Variants in RYR1 observed in about 807,000 individuals in gnomAD.
RYR1 encodes the protein ryanodine receptor 1, also known as central core disease of muscle.
In RYR1, 342 loss-of-function variants were observed where a neutral mutation model predicts 583.5. That is an observed-to-expected ratio of 0.59 (90% CI 0.54 to 0.64). The LOEUF is 0.64. RYR1 is among the 30% of genes least tolerant of loss of function. The pLI, the probability that RYR1 is intolerant of heterozygous loss-of-function variation, is 0.00. For synonymous variants in RYR1, 2,791 were observed against 2,822.5 expected (o/e 0.99, Z 0.35); for missense variants, 6,032 against 6,917.2 (o/e 0.87, Z 4.54).
rs1010474986 is a variant in RYR1 at position 38,507,053 on chromosome 19, G to T, written c.8816+101G>T. ...AGAGGGGTGGAGCCGAGAGGAACGG[G>T]GCCTGAGGAGCAAAGATGGAACCAG... On this transcript the variant is annotated intron_variant, in intron 57 of 105. Transcript: ENST00000359596. The T allele has an allele frequency of 3.2e-6, 5 of 1,569,594 alleles. No homozygotes were observed. In the African/African-American group the frequency reaches 5.4e-5, roughly 17 times the overall value.
chr19:38,560,729 C>CAAA (rs765130460), intron 89 of RYR1, among the ~76,000 whole-genome samples: 90 of 37,804 alleles, frequency 2.4e-3, no homozygotes, highest in Non-Finnish European at 2.7e-3. Context: ...AACTCCGTCT[C>CAAA]AAAAAAAAAA....
rs150546099 is a variant in RYR1 at position 38,466,316 on chromosome 19, C to T, written c.3096C>T (p.Arg1032=). The stretch of plus-strand genomic sequence containing the variant: ...GCCTGCTGGATGAAGCCACCAAGCG[C>T]AGCAACCGGGACAGCCTCTGCCAGG... ...PYRLLDEATK[R]SNRDSLCQAV... is the part of the protein sequence containing the mutation. Residue 1032 remains arginine (R), a synonymous_variant, in exon 24 of 106, where the codon CGC becomes CGT. Transcript: ENST00000359596. The T allele has an allele frequency of 1.2e-6, 2 of 1,608,822 alleles. No homozygotes were observed. The highest frequency in any genetic ancestry group is 1.7e-6 in the Non-Finnish European group (2 of 1,178,428).
rs1187805750 is a variant in RYR1, at chr19:38,466,390, A to C, written c.3170A>C (p.Gln1057Pro). 6.5e-7 allele frequency: 1 copy of C among 1,547,400 alleles called. No homozygotes were observed. Among genetic ancestry groups the C allele is most frequent in the Non-Finnish European group, 8.7e-7 (1 of 1,148,450 alleles). ...GGCTACAACATCGAGCCTCCTGACC[A>C]GGAGCCCAGTGAGTGCTCACCCCTG... Reference protein sequence around the residue: ...GYGYNIEPPDQEPSQVENQSR... With the variant: ...GYGYNIEPPDPEPSQVENQSR... The change falls in exon 24 of 106, where the codon CAG becomes CCG. Residue 1057 changes from glutamine (Q) to proline (P), a missense_variant. Gln to Pro is a moderately conservative substitution (Grantham distance 76, BLOSUM62 -1). Coordinates refer to ENST00000359596, the MANE Select transcript of RYR1 (RefSeq NM_000540.3).
chr19:38,483,273 T>A lies in RYR1; in HGVS notation c.4708-17T>A. ...GGGGCTGGCCATCTTGACCCATGTGTGTCTCTCTGCCCTCAGAACATCATG... is the reference window on the plus strand; with the variant it reads ...GGGGCTGGCCATCTTGACCCATGTGAGTCTCTCTGCCCTCAGAACATCATG... On this transcript the variant is annotated splice_polypyrimidine_tract_variant and intron_variant, in intron 32 of 105. Coordinates refer to ENST00000359596, the MANE Select transcript of RYR1 (RefSeq NM_000540.3). The surrounding 1 kb of genome is among the most constrained non-coding windows in gnomAD (Gnocchi z 6.3). 1 of 1,562,786 alleles carries A rather than the reference T, an allele frequency of 6.4e-7. No individual in the cohort carries two copies. The highest frequency in any genetic ancestry group is 8.7e-7 in the Non-Finnish European group (1 of 1,153,706).
At position 38,505,885 on chromosome 19, in the gene RYR1, G is replaced by A; in HGVS notation, c.8480G>A (p.Arg2827Lys). ...TGGGAATGGACGATAGAGAAGGCCA[G>A]GGAGGGTGAGGAGGAGAAGACGGAA... ...IAWEWTIEKA[R>K]EGEEEKTEKK... Residue 2827 changes from arginine (R) to lysine (K), a missense_variant, in exon 54 of 106, where the codon AGG becomes AAG. Transcript: ENST00000359596. The A allele has an allele frequency of 1.2e-6, 2 of 1,614,142 alleles. No homozygotes were observed. Among genetic ancestry groups the A allele is most frequent in the Non-Finnish European group, 1.7e-6 (2 of 1,180,026 alleles).
Position 38,523,001 on chromosome 19 carries a change from C to A in RYR1, c.10260-27C>A. 1.9e-6 allele frequency: 3 copies of A among 1,550,876 alleles called. No individual in the cohort carries two copies. The East Asian group carries it at 7.2e-5, about 37-fold the overall frequency. ...CCCTTCCCTGGGATCCCCACCCCCTCCCTCACCTCCCCTCCGCTGACCCCA... is the reference window on the plus strand; with the variant it reads ...CCCTTCCCTGGGATCCCCACCCCCTACCTCACCTCCCCTCCGCTGACCCCA... On this transcript the variant is annotated intron_variant, in intron 67 of 105. Coordinates refer to ENST00000359596, the MANE Select transcript of RYR1 (RefSeq NM_000540.3).
Position 38,516,069 on chromosome 19 carries a change from C to T in RYR1, c.9555-18C>T. ...AAGAGGGGGACACGTGGCAGCTAAA[C>T]ACAGCCCCGTCTTCCAGGCTTCGGC... On this transcript the variant is annotated intron_variant, in intron 64 of 105. Coordinates refer to ENST00000359596, the MANE Select transcript of RYR1 (RefSeq NM_000540.3). 1 of 1,545,640 alleles carries T rather than the reference C, an allele frequency of 6.5e-7. No individual in the cohort carries two copies. The highest frequency in any genetic ancestry group is 2.3e-4 in the Middle Eastern group (1 of 4,414).
intron 90 of RYR1, among the ~76,000 whole-genome samples, chr19:38,562,635 C>T (rs1472894303): frequency 6.6e-6 from 1 of 152,140 alleles, no homozygotes; most frequent in Middle Eastern, 3.2e-3. Context: ...GGAGCCAGTA[C>T]ACAAACCCTT....
At chr19:38,541,261 A>G (rs945319619) in intron 84 of RYR1, among the ~76,000 whole-genome samples, 3 of 152,226 alleles carry the variant, frequency 2.0e-5, no homozygotes, top group Non-Finnish European at 2.9e-5. Context: ...CAAGGTTGAG[A>G]GGATGAGAAG....
At chr19:38,560,208 C>T (rs1599622819) in intron 89 of RYR1, among the ~76,000 whole-genome samples, 1 of 151,940 alleles carries the variant, frequency 6.6e-6, no homozygotes, top group East Asian at 1.9e-4. Flanking sequence ...CAAAAAAATA[C>T]AAAAATTCAC....
At position 38,463,744 on chromosome 19, in the gene RYR1, C is replaced by G; in HGVS notation, c.2683-3C>G. The G allele has an allele frequency of 6.2e-7, 1 of 1,613,862 alleles. No individual in the cohort carries two copies. Among genetic ancestry groups the G allele is most frequent in the Non-Finnish European group, 8.5e-7 (1 of 1,179,834 alleles). On this transcript the variant is annotated splice_region_variant and splice_polypyrimidine_tract_variant and intron_variant, in intron 21 of 105. Transcript: ENST00000359596. ...CATGGAGTTGACCCTGGGTTTTCTCCAGGTTCGGGATGACAACAAGAGGCT... is the reference window on the plus strand; with the variant it reads ...CATGGAGTTGACCCTGGGTTTTCTCGAGGTTCGGGATGACAACAAGAGGCT...
Position 38,492,626 on chromosome 19 carries a change from G to T in RYR1, c.6264G>T (p.Glu2088Asp). 1 of 1,592,432 alleles carries T rather than the reference G, an allele frequency of 6.3e-7. No homozygotes were observed. The highest frequency in any genetic ancestry group is 1.1e-5 in the South Asian group (1 of 90,658). The change falls in exon 38 of 106, where the codon GAG becomes GAT. Residue 2088 changes from glutamate to aspartate, a missense_variant. By Grantham distance (45) the Glu-to-Asp change is conservative. Around this residue, in one of 11 missense-constraint regions of RYR1, gnomAD observed 2,627 missense variants for 2,961.3 expected, o/e 0.89. Transcript: ENST00000359596. ...CTGAGGAGGAGCGGTCAGCAGAGGAGAGCAAACCCCGTGAGGACTGGGGTC... is the reference window on the plus strand; with the variant it reads ...CTGAGGAGGAGCGGTCAGCAGAGGATAGCAAACCCCGTGAGGACTGGGGTC... ...EKPEEERSAEESKPRSLQELV... is the reference protein window; with the variant it reads ...EKPEEERSAEDSKPRSLQELV...
Position 38,469,495 on chromosome 19 carries a change from T to G in RYR1, c.3747T>G (p.Leu1249=). Residue 1249 remains leucine (L), a synonymous_variant, in exon 27 of 106, where the codon CTT becomes CTG. Transcript: ENST00000359596. Reference sequence around the variant, plus strand: ...TGCCCCAGTTTGAGCCAGTGCCCCTTGAACACCCTCACTATGAGGTAAGGA... The same window carrying G: ...TGCCCCAGTTTGAGCCAGTGCCCCTGGAACACCCTCACTATGAGGTAAGGA... ...KGLPQFEPVP[L]EHPHYEVSRV... The G allele has an allele frequency of 6.2e-7, 1 of 1,614,158 alleles. No individual in the cohort carries two copies. The highest frequency in any genetic ancestry group is 8.5e-7 in the Non-Finnish European group (1 of 1,180,042).
At chr19:38,580,582 G>T in intron 101 of RYR1, 78 bp downstream of exon 101, 1 of 1,571,814 alleles carries the variant, frequency 6.4e-7, no homozygotes, top group South Asian at 1.1e-5. Flanking sequence ...CCTCCAGGCC[G>T]GGCGTGGTGC....
In RYR1 at chr19:38,561,316, C is replaced by T. The variant is rs1973126812; in HGVS notation, c.12486C>T (p.Phe4162=). ...CGCATGACCCTCGCCTGCACAACTT[C>T]CTGGAGCTGGCCGAGAGCATCCTTG... is the stretch of plus-strand genomic sequence containing the variant. The part of the protein sequence containing the change: ...HVPHDPRLHN[F]LELAESILEY... Residue 4162 remains phenylalanine (F), a synonymous_variant, in exon 90 of 106, where the codon TTC becomes TTT. Coordinates refer to ENST00000359596, the MANE Select transcript of RYR1 (RefSeq NM_000540.3). This position sits in a 1 kb window ranked among gnomAD's most constrained non-coding sequence, Gnocchi z 4.8. 2 of 1,614,072 alleles carry T rather than the reference C, an allele frequency of 1.2e-6. No homozygotes were observed. The highest frequency in any genetic ancestry group is 1.7e-6 in the Non-Finnish European group (2 of 1,180,040).
rs1223815860 is a variant in RYR1 at position 38,581,787 on chromosome 19, T to C, written c.14646+1283T>C. Reference sequence around the variant, plus strand: ...CTGATTTTTGTATTTTTAGTAGAGATGGAGGTGGGGGGGTCTCACAATGTT... The same window carrying C: ...CTGATTTTTGTATTTTTAGTAGAGACGGAGGTGGGGGGGTCTCACAATGTT... On this transcript the variant is annotated intron_variant, in intron 101 of 105. Coordinates refer to ENST00000359596, the MANE Select transcript of RYR1 (RefSeq NM_000540.3). Among the ~76,000 whole-genome samples the C allele has an allele frequency of 2.0e-5, 3 of 151,582 alleles. No homozygotes were observed. In the East Asian group the frequency reaches 5.9e-4, roughly 30 times the overall value.
chr19:38,463,902 G>A (rs1269235479), intron 22 of RYR1, 52 bp downstream of exon 22: 2 of 1,359,446 alleles, frequency 1.5e-6, no homozygotes, highest in Non-Finnish European at 2.1e-6. Flanking sequence ...TGCGGTGGGG[G>A]AGGGAGGCAT....
Position 38,485,722 on chromosome 19 carries a change from C to G in RYR1, c.5067C>G (p.Asp1689Glu), listed in dbSNP as rs777209922. The G allele has an allele frequency of 3.1e-6, 5 of 1,612,392 alleles. No homozygotes were observed. In the African/African-American group the frequency reaches 6.7e-5, roughly 22 times the overall value. ...CGCACGCTCTGTGCAGCCACGTAGA[C>G]CAAGCTCAGCTGCTGCACGCCCTGG... ...RVAHALCSHV[D>E]QAQLLHALED... is the part of the protein sequence containing the mutation. The change falls in exon 34 of 106, where the codon GAC becomes GAG. Residue 1689 changes from aspartate (D) to glutamate (E), a missense_variant. By Grantham distance (45) the Asp-to-Glu change is conservative. Around this residue, in one of 11 missense-constraint regions of RYR1, gnomAD observed 2,627 missense variants for 2,961.3 expected, o/e 0.89. Coordinates refer to ENST00000359596, the MANE Select transcript of RYR1 (RefSeq NM_000540.3).
Position 38,463,141 on chromosome 19 carries a change from G to GCCCCCCCCCCCCCCCCCCCCCCCCCC in RYR1, c.2578-268_2578-267insCCCCCCCCCCCCCCCCCCCCCCCCCC, listed in dbSNP as rs34883994. On this transcript the variant is annotated intron_variant, in intron 20 of 105. Coordinates refer to ENST00000359596, the MANE Select transcript of RYR1 (RefSeq NM_000540.3). ...TTGAACTCCTGACCTCAGGCGATCT[G>GCCCCCCCCCCCCCCCCCCCCCCCCCC]CCCCCCCCCCCCCCACTTAGCCTCC... is the stretch of plus-strand genomic sequence containing the variant. Among the ~76,000 whole-genome samples the GCCCCCCCCCCCCCCCCCCCCCCCCCC allele has an allele frequency of 6.1e-5, 2 of 32,960 alleles. 1 individual carries two copies. The highest frequency in any genetic ancestry group is 9.4e-5 in the Non-Finnish European group (2 of 21,376). 21.6% of individuals were successfully genotyped at this position (32,960 alleles called of 152,430 possible).
Sources: allele counts gnomAD v4.1 joint callset (sites outside exome capture counted in the v4.1 genomes callset), GRCh38; gene constraint gnomAD v4.1.1; regional missense constraint gnomAD v4.1.1; non-coding constraint Gnocchi (gnomAD v3.1); transcripts MANE v1.5; gene names NCBI Gene and HGNC (gene_info 2026-07-23, HGNC 2026-07-21).